The following DIPK1A variants were observed in gnomAD, a reference collection of about 807,000 sequenced individuals.
DIPK1A encodes family with sequence similarity 69 member A.
A neutral mutation model predicts 40.8 loss-of-function variants in DIPK1A; 27 were observed. The ratio of observed to expected loss-of-function variants is 0.66; its 90% CI spans 0.49 to 0.91. The LOEUF is 0.91. Ranked by LOEUF, DIPK1A falls within the 40% of genes least tolerant of loss-of-function variation. The pLI, the probability that DIPK1A is intolerant of heterozygous loss-of-function variation, is 0.00. For missense variants in DIPK1A, 412 were observed against 505.7 expected (o/e 0.81, Z 1.78); for synonymous variants, 166 against 171.3 (o/e 0.97, Z 0.24).
chr1:92,935,315 G>A (rs1205357485), intron 1 of DIPK1A, among the ~76,000 whole-genome samples: 1 of 152,100 alleles, frequency 6.6e-6, no homozygotes, highest in African/African-American at 2.4e-5. Flanking sequence ...GCTAGAAATT[G>A]CAATATACTT....
downstream of DIPK1A, chr1:92,840,426 C>T: frequency 1.3e-6 from 1 of 749,928 alleles, no homozygotes; most frequent in Non-Finnish European, 2.3e-6. Context: ...AAGTGTTTAC[C>T]AACATTGATT....
intron 4 of DIPK1A, 31 bp downstream of exon 4, chr1:92,847,146 CACTTCA>C: frequency 7.3e-7 from 1 of 1,371,816 alleles, no homozygotes; most frequent in Admixed American, 2.6e-5. Context: ...TAAAGAGTCC[CACTTCA>C]CACTAGCAAC....
At chr1:92,890,377 C>T (rs904703638) in intron 1 of DIPK1A, among the ~76,000 whole-genome samples, 1 of 152,166 alleles carries the variant, frequency 6.6e-6, no homozygotes, top group Non-Finnish European at 1.5e-5. Context: ...TGAAAGTGGG[C>T]ATCCTGGTCT....
In DIPK1A at chr1:92,842,316, TTAGG is replaced by T. The variant is rs1687399538; in HGVS notation, c.*1063_*1066del. The stretch of plus-strand genomic sequence containing the variant: ...ACATAGATTTTTAACATGTTCCACT[TTAGG>T]TAGGCGAAACCTTTGAGCAGAAAAT... On this transcript the variant is annotated 3_prime_UTR_variant, in exon 5 of 5. Coordinates refer to ENST00000370310, the MANE Select transcript of DIPK1A (RefSeq NM_001006605.5). The T allele has an allele frequency of 2.0e-6, 2 of 985,964 alleles. No homozygotes were observed. The highest frequency in any genetic ancestry group is 1.7e-5 in the African/African-American group (1 of 57,220). 61.1% of individuals were successfully genotyped at this position (985,964 alleles called of 1,614,324 possible). A position where few individuals can be genotyped will look rare whatever the true frequency, so the allele number is the denominator to read the frequency against.
chr1:92,867,877 C>T (rs1290998362), intron 2 of DIPK1A, among the ~76,000 whole-genome samples: 1 of 152,134 alleles, frequency 6.6e-6, no homozygotes, highest in Non-Finnish European at 1.5e-5. Flanking sequence ...AGCTTGGAGG[C>T]AATGCTCTCA....
rs563354945 is a variant in DIPK1A at position 92,961,189 on chromosome 1, G to A, written c.54+187C>T. ...GGGAGCCGCGAGGGCCGCGGTGGGG[G>A]GCGTCGGCAGAGCCGCTGAGGGGGC... On this transcript the variant is annotated intron_variant, in intron 1 of 4. Transcript: ENST00000370310. Among the ~76,000 whole-genome samples, 611 of 151,224 alleles carry A rather than the reference G, an allele frequency of 4.0e-3. 3 individuals carry two copies. The highest frequency in any genetic ancestry group is 0.014 in the African/African-American group (562 of 41,374).
Position 92,846,848 on chromosome 1 carries a change from T to TATATATATATATAC in DIPK1A, c.474+334_474+335insGTATATATATATAT. 1.2e-3 allele frequency among the ~76,000 whole-genome samples: 3 copies of TATATATATATATAC among 2,486 alleles called. 1 individual carries two copies. The highest frequency in any genetic ancestry group is 7.7e-3 in the East Asian group (1 of 130). 1.6% of individuals were successfully genotyped at this position (2,486 alleles called of 152,430 possible). On this transcript the variant is annotated intron_variant, in intron 4 of 4. Coordinates refer to ENST00000370310, the MANE Select transcript of DIPK1A (RefSeq NM_001006605.5). ...ATATATATATATATATATATGTGTG[T>TATATATATATATAC]ATATATATATGTGTGTATATATATA...
In DIPK1A at chr1:92,912,003, C is replaced by CAAA. The variant is rs5776162; in HGVS notation, c.55-35576_55-35574dup. On this transcript the variant is annotated intron_variant, in intron 1 of 4. Coordinates refer to ENST00000370310, the MANE Select transcript of DIPK1A (RefSeq NM_001006605.5). Reference sequence around the variant, plus strand: ...TGGGTGACAGAGCAGGACTCCATCTCAAAAAAAAAAAAAAAAAAAAAAAAA... The same window carrying CAAA: ...TGGGTGACAGAGCAGGACTCCATCTCAAAAAAAAAAAAAAAAAAAAAAAAAAAA... Among the ~76,000 whole-genome samples, 170 of 43,680 alleles carry CAAA rather than the reference C, an allele frequency of 3.9e-3. 11 individuals carry two copies. Among genetic ancestry groups the CAAA allele is most frequent in the African/African-American group, 0.018 (156 of 8,712 alleles). The allele number at this position is 43,680 out of a possible 152,430, so 28.7% of individuals were successfully genotyped here. A position where few individuals can be genotyped will look rare whatever the true frequency, so the allele number is the denominator to read the frequency against.
rs567832128 is a variant in DIPK1A, at chr1:92,877,180, T to C, written c.55-750A>G. 6.0e-4 allele frequency: 590 copies of C among 978,130 alleles called. 1 individual carries two copies. In the African/African-American group the frequency reaches 9.8e-3, roughly 16 times the overall value. 60.6% of individuals were successfully genotyped at this position (978,130 alleles called of 1,614,324 possible). ...TGTTTCCAGTGCTCTTGTATCTAAT[T>C]GCAACTCGGGCTGGTTGATGCCTTT... On this transcript the variant is annotated intron_variant, in intron 1 of 4. Coordinates refer to ENST00000370310, the MANE Select transcript of DIPK1A (RefSeq NM_001006605.5).
chr1:92,840,869 A>C (rs755116548), downstream of DIPK1A: 1 of 634,554 alleles, frequency 1.6e-6, no homozygotes, highest in Non-Finnish European at 2.9e-6. Context: ...TGGTTACTGC[A>C]TTTTTTTATT....
intron 4 of DIPK1A, chr1:92,833,213 G>A (rs1371053723): frequency 1.5e-6 from 1 of 653,200 alleles, no homozygotes; most frequent in Non-Finnish European, 2.8e-6. Context: ...CTGTGACATG[G>A]AAGGTAGAGG....
intron 1 of DIPK1A, among the ~76,000 whole-genome samples, chr1:92,906,926 T>C (rs1031140294): frequency 1.3e-4 from 20 of 152,218 alleles, no homozygotes; most frequent in African/African-American, 4.6e-4. Context: ...CAAGCTCACA[T>C]TTAACTGCCT....
intron 1 of DIPK1A, among the ~76,000 whole-genome samples, chr1:92,941,499 T>C (rs1651148353): frequency 6.6e-6 from 1 of 152,232 alleles, no homozygotes; most frequent in South Asian, 2.1e-4. Context: ...AAAACTGTTA[T>C]CTAGTCATTC....
chr1:92,855,700 GA>G (rs1033875352), intron 2 of DIPK1A, among the ~76,000 whole-genome samples: 13 of 129,590 alleles, frequency 1.0e-4, no homozygotes, highest in Admixed American at 2.3e-4. Context: ...CTGTCTCTAA[GA>G]AAAAAAAAAG....
intron 1 of DIPK1A, among the ~76,000 whole-genome samples, chr1:92,960,891 G>A (rs778875103): frequency 6.6e-6 from 1 of 152,216 alleles, no homozygotes; most frequent in South Asian, 2.1e-4. Flanking sequence ...TCTAAGACAC[G>A]GAGGAATGCT....
At chr1:92,861,656 C>T (rs1400799180) in intron 2 of DIPK1A, among the ~76,000 whole-genome samples, 2 of 152,074 alleles carry the variant, frequency 1.3e-5, no homozygotes, top group Admixed American at 1.3e-4. Context: ...ACAATGATCT[C>T]TGACTTGCAA....
chr1:92,897,289 A>G (rs1284214323), intron 1 of DIPK1A, among the ~76,000 whole-genome samples: 12 of 152,358 alleles, frequency 7.9e-5, no homozygotes, highest in South Asian at 2.1e-4. Flanking sequence ...GATTAAGAAA[A>G]TGTGGCACAT....
At chr1:92,836,663 T>C (rs1383688960) in intron 4 of DIPK1A, 1 of 426,102 alleles carries the variant, frequency 2.3e-6, no homozygotes, top group East Asian at 4.9e-5. Context: ...TGCATATGAC[T>C]TAATTCTTAT....
chr1:92,908,763 G>A (rs904915871), intron 1 of DIPK1A, among the ~76,000 whole-genome samples: 2 of 152,172 alleles, frequency 1.3e-5, no homozygotes, highest in Admixed American at 6.6e-5. Context: ...AAAGGTTCCT[G>A]AGAGGTTGGA....
Sources: allele counts gnomAD v4.1 joint callset (sites outside exome capture counted in the v4.1 genomes callset), GRCh38; gene constraint gnomAD v4.1.1; transcripts MANE v1.5; gene names NCBI Gene and HGNC (gene_info 2026-07-23, HGNC 2026-07-21).